CDH24: variants seen among roughly 807,000 people sequenced by gnomAD.
CDH24 encodes cadherin 24.
A neutral mutation model predicts 71.2 loss-of-function variants in CDH24; 61 were observed. The ratio of observed to expected loss-of-function variants is 0.86; its 90% CI spans 0.70 to 1.06. CDH24 has a LOEUF of 1.06. Ranked by LOEUF, CDH24 falls within the 50% of genes least tolerant of loss-of-function variation. The pLI, the probability that CDH24 is intolerant of heterozygous loss-of-function variation, is 0.00. For missense variants in CDH24, 961 were observed against 1,083.7 expected, an observed-to-expected ratio of 0.89 and a Z score of 1.59; for synonymous variants, 440 against 470.2, an observed-to-expected ratio of 0.94 and a Z score of 0.83.
Position 23,053,551 on chromosome 14 carries a change from TC to T in CDH24, c.1170del (p.Thr391ProfsTer3), listed in dbSNP as rs917827943. On this transcript the variant is annotated frameshift_variant, in exon 7 of 13. Transcript: ENST00000487137. LOFTEE classifies it high-confidence loss of function. ...HLTVPENKAP[G>X]TLVGQISAAD... Reference sequence around the variant, plus strand: ...GCCGCGGAGATCTGGCCTACCAGGGTCCCCGGGGCCTTGTTCTCAGGCACTG... The same window carrying T: ...GCCGCGGAGATCTGGCCTACCAGGGTCCCGGGGCCTTGTTCTCAGGCACTG... 6.8e-6 allele frequency: 11 copies of T among 1,607,038 alleles called. No homozygotes were observed. Among genetic ancestry groups the T allele is most frequent in the African/African-American group, 1.3e-5 (1 of 74,774 alleles).
chr14:23,054,817 A>G lies in CDH24; in HGVS notation c.546T>C (p.Tyr182=). Residue 182 remains tyrosine (Y), a synonymous_variant, in exon 4 of 13, where the codon TAT becomes TAC. Transcript: ENST00000487137. This position sits in a 1 kb window ranked among gnomAD's most constrained non-coding sequence, Gnocchi z 5.2. Reference sequence around the variant, plus strand: ...TGTACACCAGCTTGGCACTGTTCCCATAGCTGGGGTCATCAGCATCGTGAG... The same window carrying G: ...TGTACACCAGCTTGGCACTGTTCCCGTAGCTGGGGTCATCAGCATCGTGAG... ...VTAHDADDPS[Y]GNSAKLVYTV... The G allele has an allele frequency of 1.2e-6, 2 of 1,613,962 alleles. No individual in the cohort carries two copies. The highest frequency in any genetic ancestry group is 2.7e-5 in the African/African-American group (2 of 75,024).
In CDH24 at chr14:23,055,721, C is replaced by T; in HGVS notation, c.13G>A (p.Val5Met). Residue 5 changes from valine to methionine, a missense_variant, in exon 2 of 13, where the codon GTG becomes ATG. Val to Met is a conservative substitution (Grantham distance 21). Transcript: ENST00000487137. This position sits in a 1 kb window ranked among gnomAD's most constrained non-coding sequence, Gnocchi z 4.1. Reference protein sequence around the residue: MWGLVRLLLAWLGGW... With the variant: MWGLMRLLLAWLGGW... The stretch of plus-strand genomic sequence containing the variant: ...CCCAGCCAGGCCAGCAGGAGCCTCA[C>T]CAGGCCCCACATGTTTGGACTCCAG... The T allele has an allele frequency of 6.3e-7, 1 of 1,587,716 alleles. No homozygotes were observed.
chr14:23,047,964 G>T lies in CDH24; in HGVS notation c.*16C>A. The T allele has an allele frequency of 7.7e-7, 1 of 1,305,026 alleles. No homozygotes were observed. Among genetic ancestry groups the T allele is most frequent in the Non-Finnish European group, 9.7e-7 (1 of 1,031,206 alleles). The allele number at this position is 1,305,026 out of a possible 1,614,324, so 80.8% of individuals were successfully genotyped here. On this transcript the variant is annotated 3_prime_UTR_variant, in exon 12 of 13. Coordinates refer to ENST00000487137, the MANE Select transcript of CDH24 (RefSeq NM_144985.4). ...CGCTGCCCCCCCCCCGCGGTGGGCC[G>T]GGCCAGCCCGGGCGCTCAGGGGGCC...
rs74763939 is a variant in CDH24 at position 23,053,728 on chromosome 14, G to A, written c.994C>T (p.Arg332Cys). 8.3e-5 allele frequency: 134 copies of A among 1,608,218 alleles called. 1 individual carries two copies. In the African/African-American group the frequency reaches 1.2e-3, roughly 15 times the overall value. ...VRKPLDFESQ[R>C]SYSFRVEATN... ...GCCTCGACACGGAAGGAGTAGGAGCGCTGGCTCTCAAAGTCTAGGGGCTAT... is the reference window on the plus strand; with the variant it reads ...GCCTCGACACGGAAGGAGTAGGAGCACTGGCTCTCAAAGTCTAGGGGCTAT... The change falls in exon 7 of 13, where the codon CGC becomes TGC. Residue 332 changes from arginine to cysteine, a missense_variant. Physicochemically the swap from Arg to Cys is radical, Grantham distance 180 (BLOSUM62 -3). Transcript: ENST00000487137.
In CDH24 at chr14:23,047,952, C is replaced by T. The variant is rs929195651; in HGVS notation, c.*28G>A. ...AGGGCCTGTGCCCGCTGCCCCCCCC[C>T]CGCGGTGGGCCGGGCCAGCCCGGGC... On this transcript the variant is annotated 3_prime_UTR_variant, in exon 12 of 13. Transcript: ENST00000487137. 9 of 1,292,318 alleles carry T rather than the reference C, an allele frequency of 7.0e-6. No individual in the cohort carries two copies. The highest frequency in any genetic ancestry group is 3.3e-5 in the East Asian group (1 of 30,566). The allele number at this position is 1,292,318 out of a possible 1,614,324, so 80.1% of individuals were successfully genotyped here.
In CDH24 at chr14:23,055,811, C is replaced by T. The variant is rs947656338; in HGVS notation, c.-78G>A. On this transcript the variant is annotated 5_prime_UTR_variant, in exon 2 of 13. Coordinates refer to ENST00000487137, the MANE Select transcript of CDH24 (RefSeq NM_144985.4). This position sits in a 1 kb window ranked among gnomAD's most constrained non-coding sequence, Gnocchi z 4.1. The stretch of plus-strand genomic sequence containing the variant: ...CCAGGCCACGTGGCCCATGAGCTGG[C>T]TGGGGTGGAGGGGCAGATGCGTTGA... 15 of 1,305,656 alleles carry T rather than the reference C, an allele frequency of 1.1e-5. 1 individual carries two copies. Among genetic ancestry groups the T allele is most frequent in the Middle Eastern group, 2.7e-4 (1 of 3,674 alleles). 80.9% of individuals were successfully genotyped at this position (1,305,656 alleles called of 1,614,324 possible). A position where few individuals can be genotyped will look rare whatever the true frequency, so the allele number is the denominator to read the frequency against.
Position 23,055,402 on chromosome 14 carries a change from G to C in CDH24, c.202-49C>G. The stretch of plus-strand genomic sequence containing the variant: ...CAGAGGGCTCCAAGTACAGAGACAG[G>C]GTTAAAGAGTCTAGGTTTGGGTAGA... On this transcript the variant is annotated intron_variant, in intron 2 of 12. Coordinates refer to ENST00000487137, the MANE Select transcript of CDH24 (RefSeq NM_144985.4). The surrounding 1 kb of genome is among the most constrained non-coding windows in gnomAD (Gnocchi z 4.1). 6.3e-7 allele frequency: 1 copy of C among 1,592,218 alleles called. No individual in the cohort carries two copies. The highest frequency in any genetic ancestry group is 8.6e-7 in the Non-Finnish European group (1 of 1,165,478).
chr14:23,052,599 G>T lies in CDH24; in HGVS notation c.1237C>A (p.Leu413Ile). The T allele has an allele frequency of 6.2e-7, 1 of 1,613,746 alleles. No homozygotes were observed. The stretch of plus-strand genomic sequence containing the variant: ...CAACGCTCCGGATCTGAGTGGGGGA[G>T]GATGGAGTATCTGGGGAAGGGAGAG... ...SPASPIRYSI[L>I]PHSDPERCFS... The change falls in exon 8 of 13, where the codon CTC (leucine) becomes ATC (isoleucine). Residue 413 changes from leucine (L) to isoleucine (I), a missense_variant. This residue lies in a region of CDH24 where 671 missense variants were observed against 810.9 expected (regional missense o/e 0.83). Coordinates refer to ENST00000487137, the MANE Select transcript of CDH24 (RefSeq NM_144985.4).
intron 8 of CDH24, chr14:23,052,079 C>T (rs1301312949): frequency 1.9e-6 from 3 of 1,548,042 alleles, no homozygotes; most frequent in East Asian, 4.8e-5. Flanking sequence ...GCCCCCAGCT[C>T]CAGCCTGAAG....
Position 23,053,726 on chromosome 14 carries a change from G to GCTC in CDH24, c.995_996insGAG (p.Ser333dup), listed in dbSNP as rs2047102658. The GCTC allele has an allele frequency of 6.2e-7, 1 of 1,609,122 alleles. No individual in the cohort carries two copies. Among genetic ancestry groups the GCTC allele is most frequent in the Non-Finnish European group, 8.5e-7 (1 of 1,177,780 alleles). On this transcript the variant is annotated inframe_insertion, in exon 7 of 13. Coordinates refer to ENST00000487137, the MANE Select transcript of CDH24 (RefSeq NM_144985.4). ...TGGCCTCGACACGGAAGGAGTAGGA[G>GCTC]CGCTGGCTCTCAAAGTCTAGGGGCT... is the stretch of plus-strand genomic sequence containing the variant.
At position 23,054,596 on chromosome 14, in the gene CDH24, T is replaced by TCCA; in HGVS notation, c.693_694insTGG (p.Asp231_Met232insTrp). 6.2e-7 allele frequency: 1 copy of TCCA among 1,614,082 alleles called. No homozygotes were observed. Among genetic ancestry groups the TCCA allele is most frequent in the South Asian group, 1.1e-5 (1 of 91,080 alleles). ...GACAGCCCCCCCATGTGGCCGCCCA[T>TCCA]GTCCTTGGCCTGGATCACCACCAAG... On this transcript the variant is annotated inframe_insertion, in exon 5 of 13. Coordinates refer to ENST00000487137, the MANE Select transcript of CDH24 (RefSeq NM_144985.4). This position sits in a 1 kb window ranked among gnomAD's most constrained non-coding sequence, Gnocchi z 5.2.
Position 23,047,953 on chromosome 14 carries a change from C to A in CDH24, c.*27G>T, listed in dbSNP as rs1020579892. 66 of 1,292,354 alleles carry A rather than the reference C, an allele frequency of 5.1e-5. No homozygotes were observed. Among genetic ancestry groups the A allele is most frequent in the Non-Finnish European group, 8.8e-6 (9 of 1,023,472 alleles). 80.1% of individuals were successfully genotyped at this position (1,292,354 alleles called of 1,614,324 possible). A position where few individuals can be genotyped will look rare whatever the true frequency, so the allele number is the denominator to read the frequency against. ...GGGCCTGTGCCCGCTGCCCCCCCCC[C>A]GCGGTGGGCCGGGCCAGCCCGGGCG... On this transcript the variant is annotated 3_prime_UTR_variant, in exon 12 of 13. Transcript: ENST00000487137.
chr14:23,055,439 C>A lies in CDH24; in HGVS notation c.202-86G>T. On this transcript the variant is annotated intron_variant, in intron 2 of 12. Coordinates refer to ENST00000487137, the MANE Select transcript of CDH24 (RefSeq NM_144985.4). This position sits in a 1 kb window ranked among gnomAD's most constrained non-coding sequence, Gnocchi z 4.1. Reference sequence around the variant, plus strand: ...TAGGTTTGGGTAGAGCGTTGGGAGTCCTGAGGGACCAAGGTCATTGCAGAA... The same window carrying A: ...TAGGTTTGGGTAGAGCGTTGGGAGTACTGAGGGACCAAGGTCATTGCAGAA... The A allele has an allele frequency of 6.3e-7, 1 of 1,585,032 alleles. No homozygotes were observed. Among genetic ancestry groups the A allele is most frequent in the South Asian group, 1.1e-5 (1 of 87,164 alleles).
intron 7 of CDH24, 123 bp from the exon 8 acceptor site, chr14:23,052,732 T>C: frequency 2.0e-6 from 2 of 998,746 alleles, no homozygotes; most frequent in Non-Finnish European, 3.0e-6. Flanking sequence ...GGTAGAGCCA[T>C]AATTCAGGTT....
Position 23,054,673 on chromosome 14 carries a change from C to G in CDH24, c.617G>C (p.Gly206Ala), listed in dbSNP as rs1164363589. The G allele has an allele frequency of 6.2e-7, 1 of 1,613,984 alleles. No individual in the cohort carries two copies. Among genetic ancestry groups the G allele is most frequent in the South Asian group, 1.1e-5 (1 of 91,072 alleles). ...GTTGGGGATGGCTGTACGCACCACT[C>G]CTAGGGAGAGATGCTGGTCAGAGGG... ...LPFFSVDPQT[G>A]VVRTAIPNMD... is the part of the protein sequence containing the mutation. The change falls in exon 5 of 13, where the codon GGA becomes GCA. Residue 206 changes from glycine (G) to alanine (A), a missense_variant and splice_region_variant. Around this residue, in one of 2 missense-constraint regions of CDH24, gnomAD observed 671 missense variants for 810.9 expected, o/e 0.83. Coordinates refer to ENST00000487137, the MANE Select transcript of CDH24 (RefSeq NM_144985.4). This position sits in a 1 kb window ranked among gnomAD's most constrained non-coding sequence, Gnocchi z 5.2.
rs1392811287 is a variant in CDH24 at position 23,047,374 on chromosome 14, T to C, written c.*520A>G. 6.6e-6 allele frequency: 1 copy of C among 152,520 alleles called. No homozygotes were observed. Among genetic ancestry groups the C allele is most frequent in the Admixed American group, 6.5e-5 (1 of 15,284 alleles). 9.4% of individuals were successfully genotyped at this position (152,520 alleles called of 1,614,324 possible). Reference sequence around the variant, plus strand: ...TAATGGATGGAACCATGCAGGCAGGTCTGTAAGGACAGGGGAGCCACGTTA... The same window carrying C: ...TAATGGATGGAACCATGCAGGCAGGCCTGTAAGGACAGGGGAGCCACGTTA... On this transcript the variant is annotated splice_region_variant and 3_prime_UTR_variant, in exon 13 of 13. Transcript: ENST00000487137.
rs1192753194 is a variant in CDH24, at chr14:23,049,283, A to G, written c.1598-8T>C. Reference sequence around the variant, plus strand: ...GCAGGCTGGCGGAGCCATCTGTGGGAGAGGGAAGGTGTTGAGGTATCTTCT... The same window carrying G: ...GCAGGCTGGCGGAGCCATCTGTGGGGGAGGGAAGGTGTTGAGGTATCTTCT... On this transcript the variant is annotated splice_polypyrimidine_tract_variant and splice_region_variant and intron_variant, in intron 10 of 12. Transcript: ENST00000487137. 1 of 1,566,490 alleles carries G rather than the reference A, an allele frequency of 6.4e-7. No homozygotes were observed. The highest frequency in any genetic ancestry group is 2.3e-5 in the East Asian group (1 of 42,868).
chr14:23,048,485 C>A lies in CDH24; in HGVS notation c.1847-6G>T, dbSNP rs763553316. On this transcript the variant is annotated splice_region_variant and splice_polypyrimidine_tract_variant and intron_variant, in intron 11 of 12. Coordinates refer to ENST00000487137, the MANE Select transcript of CDH24 (RefSeq NM_144985.4). ...CACGAAGAGCACCACCAGGGCTGCG[C>A]GAGAGGCGCGCACACAGGCCCTGAG... 1.9e-6 allele frequency: 3 copies of A among 1,603,014 alleles called. No homozygotes were observed. In the South Asian group the frequency reaches 3.3e-5, roughly 18 times the overall value.
chr14:23,049,344 G>C (rs1594723445), intron 10 of CDH24, 69 bp from the exon 11 acceptor site: 3 of 1,440,684 alleles, frequency 2.1e-6, no homozygotes, highest in South Asian at 1.4e-5. Flanking sequence ...CCAGCCCATA[G>C]AGCCAGCTTC....
Sources: gnomAD v4.1 joint callset for allele counts on GRCh38, gnomAD v4.1.1 for gene constraint, gnomAD v4.1.1 regional missense constraint, Gnocchi (gnomAD v3.1) non-coding constraint, MANE v1.5 for transcripts, NCBI Gene and HGNC (gene_info 2026-07-23, HGNC 2026-07-21) for gene names.